SCFD2: variants seen among roughly 807,000 people sequenced by gnomAD.
SCFD2 encodes sec1 family domain containing 2.
SCFD2 carries 54 observed loss-of-function variants against 58.9 expected under a neutral mutation model. The observed-to-expected ratio is 0.92, with a 90% CI of 0.74 to 1.15. The LOEUF is 1.15. Among genes scored for constraint, SCFD2 ranks in the 50% most tolerant of loss-of-function variants. The probability of loss-of-function intolerance (pLI) is 0.00; values close to 1 mark genes in which losing one functional copy is unlikely to be tolerated. For synonymous variants in SCFD2, 321 were observed against 335.9 expected (o/e 0.96, Z 0.49); for missense variants, 805 against 836.6 (o/e 0.96, Z 0.47).
intron 4 of SCFD2, among the ~76,000 whole-genome samples, chr4:53,177,652 C>A (rs759734676): frequency 2.0e-5 from 3 of 152,134 alleles, no homozygotes; most frequent in Non-Finnish European, 4.4e-5. Context: ...GTGGGGAGTG[C>A]CAGACAGTAG....
chr4:53,338,943 G>A (rs1296703080), intron 2 of SCFD2, among the ~76,000 whole-genome samples: 1 of 151,914 alleles, frequency 6.6e-6, no homozygotes, highest in Non-Finnish European at 1.5e-5. Context: ...CCTATACCCA[G>A]TGAAAATATC....
At chr4:53,224,157 G>A (rs930024329) in intron 4 of SCFD2, among the ~76,000 whole-genome samples, 7 of 152,102 alleles carry the variant, frequency 4.6e-5, no homozygotes, top group East Asian at 1.9e-4. Flanking sequence ...TTGGGAGGCC[G>A]AGGCGGGTGG....
chr4:53,027,929 T>A (rs1296981651), intron 5 of SCFD2, among the ~76,000 whole-genome samples: 1 of 151,882 alleles, frequency 6.6e-6, no homozygotes, highest in African/African-American at 2.4e-5. Flanking sequence ...GGATAGACTA[T>A]GGTAGCAATA....
At chr4:53,000,928 TG>T (rs989643875) in intron 5 of SCFD2, among the ~76,000 whole-genome samples, 1 of 152,206 alleles carries the variant, frequency 6.6e-6, no homozygotes, top group African/African-American at 2.4e-5. Flanking sequence ...CCCGGGGGTT[TG>T]GGGACCCCTG....
At chr4:53,044,555 A>T (rs1722980640) in intron 5 of SCFD2, among the ~76,000 whole-genome samples, 1 of 143,372 alleles carries the variant, frequency 7.0e-6, no homozygotes, top group Non-Finnish European at 1.5e-5. Context: ...TATATACTTT[A>T]CAGGATTCCT....
chr4:52,975,996 C>T (rs1389796357), intron 5 of SCFD2, among the ~76,000 whole-genome samples: 4 of 122,868 alleles, frequency 3.3e-5, no homozygotes, highest in African/African-American at 3.3e-5. Context: ...ACACAGGAAG[C>T]GGAACATCAC....
At chr4:52,992,883 G>A (rs529231276) in intron 5 of SCFD2, among the ~76,000 whole-genome samples, 4 of 152,338 alleles carry the variant, frequency 2.6e-5, no homozygotes, top group South Asian at 2.1e-4. Context: ...CAGTCACCCC[G>A]TCTGGGAGGT....
chr4:53,189,292 G>C (rs1283987487), intron 4 of SCFD2, among the ~76,000 whole-genome samples: 5 of 152,112 alleles, frequency 3.3e-5, no homozygotes, highest in Non-Finnish European at 7.4e-5. Flanking sequence ...TTTAAAAGCT[G>C]GATCCAAACA....
At chr4:53,017,565 T>C (rs1462780256) in intron 5 of SCFD2, among the ~76,000 whole-genome samples, 1 of 152,236 alleles carries the variant, frequency 6.6e-6, no homozygotes, top group Non-Finnish European at 1.5e-5. Flanking sequence ...CCTGAGAATA[T>C]GGACTTTAAA....
intron 3 of SCFD2, among the ~76,000 whole-genome samples, chr4:53,301,276 CA>C (rs1732280272): frequency 6.6e-6 from 1 of 152,066 alleles, no homozygotes; most frequent in Non-Finnish European, 1.5e-5. Flanking sequence ...ATATCACCAC[CA>C]ATCCCACAGA....
At chr4:52,970,879 C>T (rs917222700) in intron 5 of SCFD2, among the ~76,000 whole-genome samples, 6 of 152,200 alleles carry the variant, frequency 3.9e-5, no homozygotes, top group Non-Finnish European at 8.8e-5. Context: ...TGTTGTGCAG[C>T]CTCTGCTGCT....
chr4:53,158,620 T>G (rs1017785874), intron 4 of SCFD2, among the ~76,000 whole-genome samples: 5 of 152,198 alleles, frequency 3.3e-5, no homozygotes, highest in African/African-American at 1.2e-4. Context: ...TAAGTTGTAA[T>G]TACCATCATC....
chr4:53,044,351 C>T (rs577501533), intron 5 of SCFD2, among the ~76,000 whole-genome samples: 29 of 152,210 alleles, frequency 1.9e-4, no homozygotes, highest in South Asian at 4.2e-4. Flanking sequence ...CTGCTCCCTC[C>T]CCCTTTTATT....
rs190886010 is a variant in SCFD2, at chr4:53,354,881, C to A, written c.839-2115G>T. On this transcript the variant is annotated intron_variant, in intron 1 of 8. Transcript: ENST00000401642. ...GCTCACTGTAGCCTTGAACTCTGAG[C>A]TCAAGCAACTCTCCCACCTTAGTTT... Among the ~76,000 whole-genome samples, 230 of 151,428 alleles carry A rather than the reference C, an allele frequency of 1.5e-3. 2 individuals carry two copies. The highest frequency in any genetic ancestry group is 5.3e-3 in the African/African-American group (217 of 41,294).
At chr4:53,099,608 G>T (rs1724770852) in intron 5 of SCFD2, among the ~76,000 whole-genome samples, 1 of 152,184 alleles carries the variant, frequency 6.6e-6, no homozygotes, top group Non-Finnish European at 1.5e-5. Context: ...AGCATGTGCA[G>T]AGATCACATT....
intron 4 of SCFD2, among the ~76,000 whole-genome samples, chr4:53,271,009 T>A (rs2149065362): frequency 6.6e-6 from 1 of 152,252 alleles, no homozygotes; most frequent in South Asian, 2.1e-4. Context: ...GAGGTAAGGC[T>A]CATAAGCCAT....
intron 4 of SCFD2, among the ~76,000 whole-genome samples, chr4:53,147,523 G>A (rs2148914823): frequency 6.6e-6 from 1 of 152,328 alleles, no homozygotes; most frequent in Non-Finnish European, 1.5e-5. Flanking sequence ...GAATGGACGA[G>A]GTAAAAATGG....
At chr4:53,322,792 C>T (rs1006447063) in intron 2 of SCFD2, among the ~76,000 whole-genome samples, 3 of 152,232 alleles carry the variant, frequency 2.0e-5, no homozygotes, top group African/African-American at 7.2e-5. Flanking sequence ...AGTACATGAT[C>T]CAGTACACAG....
intron 5 of SCFD2, among the ~76,000 whole-genome samples, chr4:53,139,020 G>A (rs1341287086): frequency 1.3e-5 from 2 of 152,156 alleles, no homozygotes; most frequent in South Asian, 2.1e-4. Flanking sequence ...GCAGGTGCGC[G>A]CCGCCACGCG....
Sources: gnomAD v4.1 joint callset for allele counts (sites outside exome capture counted in the v4.1 genomes callset) on GRCh38, gnomAD v4.1.1 for gene constraint, MANE v1.5 for transcripts, NCBI Gene and HGNC (gene_info 2026-07-23, HGNC 2026-07-21) for gene names.